ZNF782: variants seen among roughly 807,000 people sequenced by gnomAD.
ZNF782 encodes zinc finger protein 782.
ZNF782 carries 12 observed loss-of-function variants against 13.0 expected under a neutral mutation model. The observed-to-expected ratio is 0.92, with a 90% CI of 0.59 to 1.50. The LOEUF (loss-of-function observed/expected upper bound fraction) is 1.50. Ranked by LOEUF, ZNF782 falls within the 40% of genes most tolerant of loss-of-function variation. ZNF782 has a pLI of 0.00. For missense variants in ZNF782, 770 were observed against 822.9 expected (o/e 0.94, Z 0.79); for synonymous variants, 284 against 283.0 (o/e 1.00, Z -0.04).
chr9:96,858,826 T>C (rs1232998262), upstream of ZNF782, among the ~76,000 whole-genome samples: 1 of 152,188 alleles, frequency 6.6e-6, no homozygotes, highest in Non-Finnish European at 1.5e-5. This position sits in a 1 kb window ranked among gnomAD's most constrained non-coding sequence, Gnocchi z 4.4. Context: ...CCCACAGGAA[T>C]AGCCTCAGCA....
chr9:96,838,533 A>G (rs1483634561), intron 4 of ZNF782, among the ~76,000 whole-genome samples: 1 of 152,010 alleles, frequency 6.6e-6, no homozygotes, highest in East Asian at 1.9e-4. Context: ...ACCTCATATA[A>G]TTTGAAGCTG....
the ZNF782 span, among the ~76,000 whole-genome samples, chr9:96,898,457 A>G: frequency 5.4e-5 from 8 of 148,712 alleles, no homozygotes; most frequent in African/African-American, 2.0e-4. Context: ...TTCTGGATTC[A>G]TCTACATTGT....
intron 4 of ZNF782, among the ~76,000 whole-genome samples, chr9:96,833,641 G>C (rs1850882629): frequency 1.3e-5 from 2 of 152,102 alleles, no homozygotes; most frequent in African/African-American, 4.8e-5. Flanking sequence ...TGGATGCCAG[G>C]ATTTTCCATT....
At chr9:96,874,133 A>C (rs1159481724) in intron 1 of ZNF782, among the ~76,000 whole-genome samples, 1 of 152,230 alleles carries the variant, frequency 6.6e-6, no homozygotes, top group African/African-American at 2.4e-5. Context: ...CCATCAATAC[A>C]AAAGAACAAG....
chr9:96,923,051 A>C, the ZNF782 span, among the ~76,000 whole-genome samples: 2 of 146,738 alleles, frequency 1.4e-5, no homozygotes, highest in Non-Finnish European at 3.0e-5. Context: ...TAAACACAGA[A>C]CCCCATCTCT....
chr9:96,817,943 T>C lies in ZNF782; in HGVS notation c.2080A>G (p.Lys694Glu). ...TACATTTAATCCCCTGGGTGGGCTT[T>C]CTGATGTTCTCTAAGGCTTGATTTT... ...SQKSSLREHQKAHPGD is the reference protein window; with the variant it reads ...SQKSSLREHQEAHPGD Residue 694 changes from lysine to glutamate, a missense_variant, in exon 6 of 6, where the codon AAA becomes GAA. Physicochemically the swap from Lys to Glu is moderately conservative, Grantham distance 56 (BLOSUM62 1). Transcript: ENST00000481138. The C allele has an allele frequency of 6.4e-7, 1 of 1,571,632 alleles. No homozygotes were observed. Among genetic ancestry groups the C allele is most frequent in the Non-Finnish European group, 8.6e-7 (1 of 1,163,436 alleles).
At chr9:96,859,809 A>G (rs757509892) in intron 3 of ZNF782, among the ~76,000 whole-genome samples, 15 of 152,304 alleles carry the variant, frequency 9.8e-5, no homozygotes, top group Non-Finnish European at 1.9e-4. Context: ...AAGAGCACCC[A>G]GTGGACTGTT....
At position 96,818,217 on chromosome 9, in the gene ZNF782, T is replaced by C. The variant is rs145096267; in HGVS notation, c.1806A>G (p.Lys602=). 240 of 1,612,852 alleles carry C rather than the reference T, an allele frequency of 1.5e-4. 1 individual carries two copies. The highest frequency in any genetic ancestry group is 2.0e-4 in the Non-Finnish European group (232 of 1,179,718). The change falls in exon 6 of 6, where the codon AAA becomes AAG. Residue 602 remains lysine, a synonymous_variant. Coordinates refer to ENST00000481138, the MANE Select transcript of ZNF782 (RefSeq NM_001001662.3). ...TTCTCTGATGCCCTCTGAGATTTGA[T>C]TTCTGCCTGAATGTTTTTCCACACT... ...CEECGKTFRQ[K]SNLRGHQRTH...
chr9:96,912,524 C>A, the ZNF782 span, among the ~76,000 whole-genome samples: 1 of 148,304 alleles, frequency 6.7e-6, no homozygotes, highest in Non-Finnish European at 1.5e-5. Flanking sequence ...TAAAAGGCTT[C>A]TTTTTTTTCC....
intron 4 of ZNF782, among the ~76,000 whole-genome samples, chr9:96,837,580 G>C (rs1384468227): frequency 6.6e-6 from 1 of 151,922 alleles, no homozygotes; most frequent in Non-Finnish European, 1.5e-5. Context: ...TTTAGGTTTA[G>C]TTTGCTCTTT....
intron 3 of ZNF782, among the ~76,000 whole-genome samples, chr9:96,849,219 T>C (rs1186051035): frequency 1.3e-5 from 2 of 152,188 alleles, no homozygotes; most frequent in East Asian, 3.8e-4. Context: ...CATCAGGCAT[T>C]AGTTAGATTC....
chr9:96,858,468 T>C (rs1270686145), upstream of ZNF782, among the ~76,000 whole-genome samples: 1 of 152,178 alleles, frequency 6.6e-6, no homozygotes, highest in Non-Finnish European at 1.5e-5. This position sits in a 1 kb window ranked among gnomAD's most constrained non-coding sequence, Gnocchi z 4.4. Context: ...TGGCACCAAC[T>C]GGACACAGAA....
In ZNF782 at chr9:96,844,801, G is replaced by A. The variant is rs1851296410; in HGVS notation, c.142+89C>T. ...AGGAAAACCAGAATTGCACTGTAGA[G>A]GGAGTCACATGGTACGGTATGGAGA... On this transcript the variant is annotated intron_variant, in intron 4 of 5. Transcript: ENST00000481138. 3 of 1,582,178 alleles carry A rather than the reference G, an allele frequency of 1.9e-6. No individual in the cohort carries two copies. The Admixed American group carries it at 5.0e-5, about 27-fold the overall frequency.
the ZNF782 span, among the ~76,000 whole-genome samples, chr9:96,904,312 A>C: frequency 1.1e-5 from 1 of 92,754 alleles, no homozygotes; most frequent in Non-Finnish European, 1.8e-5. Flanking sequence ...GGGTCTCACT[A>C]TGTTGGCCAG....
At chr9:96,891,105 G>C in the ZNF782 span, 30 of 152,296 alleles carry the variant, frequency 2.0e-4, no homozygotes, top group African/African-American at 7.0e-4. Context: ...GTAGAATAGA[G>C]GTTACCAGAG....
Position 96,816,423 on chromosome 9 carries a change from A to G in ZNF782, c.*1500T>C, listed in dbSNP as rs1850170929. ...TGGTAAGTACCATGCATATATACAT[A>G]CATAAACAATCAATAACTCACAAAA... On this transcript the variant is annotated 3_prime_UTR_variant, in exon 6 of 6. Transcript: ENST00000481138. The G allele has an allele frequency of 6.6e-6, 1 of 152,256 alleles. No individual in the cohort carries two copies. The highest frequency in any genetic ancestry group is 6.5e-5 in the Admixed American group (1 of 15,290). The allele number at this position is 152,256 out of a possible 1,614,324, so 9.4% of individuals were successfully genotyped here.
the ZNF782 span, among the ~76,000 whole-genome samples, chr9:96,912,027 C>T: frequency 2.0e-5 from 3 of 151,108 alleles, no homozygotes; most frequent in Admixed American, 1.3e-4. Flanking sequence ...TGGGGAAACC[C>T]TATCACTACT....
At chr9:96,927,559 T>C in the ZNF782 span, among the ~76,000 whole-genome samples, 1 of 152,156 alleles carries the variant, frequency 6.6e-6, no homozygotes, top group Non-Finnish European at 1.5e-5. Context: ...TACTGCAAGT[T>C]TGCACTCTCA....
At chr9:96,857,651 G>A (rs1336865548), upstream of ZNF782, among the ~76,000 whole-genome samples, 3 of 152,224 alleles carry the variant, frequency 2.0e-5, no homozygotes, top group Non-Finnish European at 4.4e-5. Flanking sequence ...GTTGCAGGGA[G>A]TGTGAAAAAC....
Sources: allele counts gnomAD v4.1 joint callset (sites outside exome capture counted in the v4.1 genomes callset), GRCh38; gene constraint gnomAD v4.1.1; non-coding constraint Gnocchi (gnomAD v3.1); transcripts MANE v1.5; gene names NCBI Gene and HGNC (gene_info 2026-07-23, HGNC 2026-07-21).